BABAM2: variants seen among roughly 807,000 people sequenced by gnomAD.
BABAM2 encodes the protein BRISC and BRCA1 A complex member 2.
Under a neutral mutation model 54.7 loss-of-function variants are expected in BABAM2, and 31 were observed. The observed-to-expected ratio is 0.57, with a 90% CI of 0.43 to 0.77. The LOEUF is 0.77. Among genes scored for constraint, BABAM2 ranks in the 30% least tolerant of loss-of-function variants. The pLI, the probability that BABAM2 is intolerant of heterozygous loss-of-function variation, is 0.00. For synonymous variants in BABAM2, 167 were observed against 162.9 expected (o/e 1.03, Z -0.19); for missense variants, 364 against 455.8 (o/e 0.80, Z 1.83).
chr2:28,209,012 G>T (rs1679179585), intron 7 of BABAM2, among the ~76,000 whole-genome samples: 1 of 152,196 alleles, frequency 6.6e-6, no homozygotes. Flanking sequence ...TCTGAATGTG[G>T]CTGGGCCTCA....
At chr2:27,998,102 A>G (rs1403789839) in intron 4 of BABAM2, among the ~76,000 whole-genome samples, 2 of 152,096 alleles carry the variant, frequency 1.3e-5, no homozygotes, top group Non-Finnish European at 2.9e-5. Flanking sequence ...GCAGTGATCC[A>G]AGATCATGCC....
In BABAM2 at chr2:28,335,065, T is replaced by G. The variant is rs534550730; in HGVS notation, c.1089-3385T>G. 2.6e-5 allele frequency among the ~76,000 whole-genome samples: 4 copies of G among 152,144 alleles called. No homozygotes were observed. In the South Asian group the frequency reaches 8.3e-4, roughly 32 times the overall value. ...TTTTCTTACTAACTGTTGGCAAAGT[T>G]TGAAATTTGAGAATGGACTAAAGTG... On this transcript the variant is annotated intron_variant, in intron 11 of 11. Transcript: ENST00000379624.
chr2:28,075,693 G>A (rs1664600452), intron 6 of BABAM2, among the ~76,000 whole-genome samples: 1 of 151,968 alleles, frequency 6.6e-6, no homozygotes, highest in Non-Finnish European at 1.5e-5. Flanking sequence ...CTGATTAATT[G>A]CTTAAATGCA....
chr2:28,078,025 T>C (rs1333058560), intron 6 of BABAM2, among the ~76,000 whole-genome samples: 2 of 152,128 alleles, frequency 1.3e-5, no homozygotes, highest in African/African-American at 2.4e-5. Flanking sequence ...AGAAATTAAA[T>C]GGAAAATTCC....
At chr2:28,288,811 C>T (rs948548342) in intron 10 of BABAM2, among the ~76,000 whole-genome samples, 8 of 152,144 alleles carry the variant, frequency 5.3e-5, no homozygotes, top group Non-Finnish European at 8.8e-5. Flanking sequence ...GCCCTTCTCC[C>T]TGCGTGACAC....
chr2:28,240,885 A>C (rs372115008), intron 8 of BABAM2, among the ~76,000 whole-genome samples: 48 of 128,098 alleles, frequency 3.7e-4, no homozygotes, highest in African/African-American at 7.7e-4. Flanking sequence ...AAAAAAAAAA[A>C]CAAAAAAAAC....
intron 4 of BABAM2, among the ~76,000 whole-genome samples, chr2:28,006,807 A>G (rs1487544349): frequency 6.6e-6 from 1 of 151,960 alleles, no homozygotes; most frequent in Non-Finnish European, 1.5e-5. Flanking sequence ...TTAATCTGTA[A>G]CCTCTGTATA....
intron 3 of BABAM2, among the ~76,000 whole-genome samples, chr2:27,963,221 G>A (rs993798899): frequency 3.3e-5 from 5 of 152,162 alleles, no homozygotes; most frequent in African/African-American, 7.2e-5. Flanking sequence ...TGCAATCCCA[G>A]CACTTTGGGA....
chr2:27,977,980 CA>C (rs1184029353), intron 3 of BABAM2, among the ~76,000 whole-genome samples: 3 of 152,186 alleles, frequency 2.0e-5, no homozygotes, highest in Non-Finnish European at 4.4e-5. Flanking sequence ...TGTAAGGACA[CA>C]CTAAGGGTTA....
At chr2:28,123,073 T>A (rs1381687472) in intron 6 of BABAM2, among the ~76,000 whole-genome samples, 1 of 152,228 alleles carries the variant, frequency 6.6e-6, no homozygotes, top group Admixed American at 6.5e-5. Flanking sequence ...AAAAGCTAGT[T>A]CAGTGGCTTA....
chr2:28,224,849 G>GAAAAAAAA (rs1406843262), intron 7 of BABAM2, among the ~76,000 whole-genome samples: 2 of 60,372 alleles, frequency 3.3e-5, no homozygotes, highest in Non-Finnish European at 3.5e-5. Context: ...ACGGTAAATT[G>GAAAAAAAA]ACAAAAAAAA....
At chr2:28,073,522 T>C (rs1432164526) in intron 6 of BABAM2, among the ~76,000 whole-genome samples, 1 of 152,188 alleles carries the variant, frequency 6.6e-6, no homozygotes, top group African/African-American at 2.4e-5. Context: ...GAAATCTGTT[T>C]ACTTTTTTGT....
At chr2:27,988,847 G>C (rs1263784712) in intron 4 of BABAM2, among the ~76,000 whole-genome samples, 1 of 152,128 alleles carries the variant, frequency 6.6e-6, no homozygotes, top group African/African-American at 2.4e-5. Flanking sequence ...TATACTAGAA[G>C]AGGTTTTATA....
intron 2 of BABAM2, among the ~76,000 whole-genome samples, chr2:27,920,488 A>G (rs896320638): frequency 3.9e-5 from 6 of 152,242 alleles, no homozygotes; most frequent in African/African-American, 1.4e-4. Flanking sequence ...TAAATTCTAA[A>G]AGATGAAAAT....
At position 28,211,458 on chromosome 2, in the gene BABAM2, G is replaced by T. The variant is rs187862345; in HGVS notation, c.681-25744G>T. Among the ~76,000 whole-genome samples the T allele has an allele frequency of 9.0e-4, 128 of 141,882 alleles. 1 individual carries two copies. Among genetic ancestry groups the T allele is most frequent in the African/African-American group, 3.3e-3 (126 of 38,426 alleles). 93.1% of individuals were successfully genotyped at this position (141,882 alleles called of 152,430 possible). A position where few individuals can be genotyped will look rare whatever the true frequency, so the allele number is the denominator to read the frequency against. On this transcript the variant is annotated intron_variant, in intron 7 of 11. Coordinates refer to ENST00000379624, the MANE Select transcript of BABAM2 (RefSeq NM_199191.3). ...GCTGGAGTACAGTGGCGTGATCTCGGCGCACTGCAACTTCCACCTCCTGGG... is the reference window on the plus strand; with the variant it reads ...GCTGGAGTACAGTGGCGTGATCTCGTCGCACTGCAACTTCCACCTCCTGGG...
intron 6 of BABAM2, among the ~76,000 whole-genome samples, chr2:28,112,131 T>TTC (rs1668102381): frequency 6.2e-5 from 1 of 16,056 alleles, no homozygotes; most frequent in Non-Finnish European, 1.2e-4. Flanking sequence ...CTTTCTTTCT[T>TTC]TCTTTCTTTC....
chr2:28,194,343 T>C (rs1677267446), intron 7 of BABAM2, among the ~76,000 whole-genome samples: 1 of 152,138 alleles, frequency 6.6e-6, no homozygotes, highest in South Asian at 2.1e-4. Flanking sequence ...CCAGAGTTCC[T>C]TGTGAAGCCG....
intron 6 of BABAM2, among the ~76,000 whole-genome samples, chr2:28,100,446 C>T (rs11895148): frequency 0.14 from 18,065 of 124,984 alleles, 1,987 homozygotes; most frequent in African/African-American, 0.33. Flanking sequence ...GGTGACAGAG[C>T]GAGAGACTCT....
chr2:27,926,318 GT>G (rs1253734066), intron 2 of BABAM2, among the ~76,000 whole-genome samples: 1 of 151,582 alleles, frequency 6.6e-6, no homozygotes, highest in Non-Finnish European at 1.5e-5. Flanking sequence ...CTAATCTTTT[GT>G]TCTTCTCTCC....
Sources: gnomAD v4.1 joint callset for allele counts (sites outside exome capture counted in the v4.1 genomes callset) on GRCh38, gnomAD v4.1.1 for gene constraint, MANE v1.5 for transcripts, NCBI Gene and HGNC (gene_info 2026-07-23, HGNC 2026-07-21) for gene names.